PHF21B: variants seen among roughly 807,000 people sequenced by gnomAD.
PHF21B encodes the protein PHD finger protein 21B.
A neutral mutation model predicts 62.2 loss-of-function variants in PHF21B; 22 were observed. The observed-to-expected ratio is 0.35, with a 90% CI of 0.25 to 0.51. The LOEUF (loss-of-function observed/expected upper bound fraction) is 0.51. PHF21B is among the 20% of genes least tolerant of loss of function. The pLI is 0.97. For missense variants in PHF21B, 701 were observed against 707.9 expected, an observed-to-expected ratio of 0.99 and a Z score of 0.11; for synonymous variants, 341 against 314.7, an observed-to-expected ratio of 1.08 and a Z score of -0.88.
intron 2 of PHF21B, among the ~76,000 whole-genome samples, chr22:44,977,716 C>T (rs1203932039): frequency 1.3e-5 from 2 of 151,574 alleles, no homozygotes; most frequent in East Asian, 3.9e-4. Flanking sequence ...GTAGCTGGGG[C>T]TACAGGTGCA....
rs2072772585 is a variant in PHF21B at position 44,978,134 on chromosome 22, A to C, written c.120+30411T>G. Among the ~76,000 whole-genome samples the C allele has an allele frequency of 2.0e-5, 3 of 152,048 alleles. No homozygotes were observed. In the South Asian group the frequency reaches 6.2e-4, roughly 32 times the overall value. ...AGGCCTCCCAGGACACGTGTGTAAT[A>C]ATTTCTCTATGGGAAATACCTACAA... On this transcript the variant is annotated intron_variant, in intron 2 of 12. Transcript: ENST00000313237.
chr22:44,943,573 CGGGCTCTAGAGTCCTG>C (rs1569243927), intron 2 of PHF21B, among the ~76,000 whole-genome samples: 20 of 152,284 alleles, frequency 1.3e-4, no homozygotes, highest in African/African-American at 4.8e-4. Flanking sequence ...CCAGGCCCCG[CGGGCTCTAGAGTCCTG>C]GCAGCTGGCT....
chr22:44,901,691 A>G, intron 5 of PHF21B: 1 of 460,918 alleles, frequency 2.2e-6, no homozygotes, highest in East Asian at 4.7e-5. Flanking sequence ...AAAAAGCCCA[A>G]GGGGGAAGCC....
chr22:44,953,547 G>A (rs563464474), intron 2 of PHF21B, among the ~76,000 whole-genome samples: 17 of 152,070 alleles, frequency 1.1e-4, no homozygotes, highest in Middle Eastern at 3.4e-3. Context: ...ATCTTTCAAC[G>A]CTGTGAACTC....
intron 2 of PHF21B, among the ~76,000 whole-genome samples, chr22:45,007,078 C>T (rs2073328253): frequency 6.6e-6 from 1 of 151,850 alleles, no homozygotes; most frequent in Non-Finnish European, 1.5e-5. Context: ...GCTTCCACTC[C>T]CGGACGGGGG....
intron 2 of PHF21B, among the ~76,000 whole-genome samples, chr22:44,977,752 ATTTTTTT>A (rs112069200): frequency 7.4e-6 from 1 of 135,152 alleles, no homozygotes. Flanking sequence ...CTCATTTTTC[ATTTTTTT>A]TTTTTTTTGT....
chr22:44,993,707 G>A (rs1373065463), intron 2 of PHF21B, among the ~76,000 whole-genome samples: 1 of 152,198 alleles, frequency 6.6e-6, no homozygotes, highest in Non-Finnish European at 1.5e-5. Context: ...TTTCCTGCAG[G>A]CCAAACAGCA....
At chr22:44,885,318 G>T (rs2070836937) in intron 12 of PHF21B, 108 bp downstream of exon 12, 5 of 1,086,744 alleles carry the variant, frequency 4.6e-6, no homozygotes, top group African/African-American at 3.2e-5. Flanking sequence ...CACTGCTGAG[G>T]CCAGCCTGGA....
intron 2 of PHF21B, among the ~76,000 whole-genome samples, chr22:44,990,308 C>A (rs2147502912): frequency 6.6e-6 from 1 of 152,352 alleles, no homozygotes; most frequent in East Asian, 1.9e-4. Flanking sequence ...AATTCCACTT[C>A]TGCATAGATA....
At position 44,891,322 on chromosome 22, in the gene PHF21B, CAG is replaced by C; in HGVS notation, c.997_998del (p.Leu333ValfsTer8). The C allele has an allele frequency of 1.2e-6, 2 of 1,614,042 alleles. No individual in the cohort carries two copies. The highest frequency in any genetic ancestry group is 1.7e-6 in the Non-Finnish European group (2 of 1,180,024). On this transcript the variant is annotated frameshift_variant, in exon 8 of 13. Transcript: ENST00000313237. LOFTEE classifies it high-confidence loss of function. ...RLASNYLNNPLFLTARANEDP... is the reference protein window; with the variant it reads ...RLASNYLNNPXFLTARANEDP... ...GGTGCTTACCTCTCGCTGTGAGGAA[CAG>C]GGGGTTGTTGAGATAGTTGGAGGCC...
Position 44,885,768 on chromosome 22 carries a change from C to T in PHF21B, c.1273+95G>A, listed in dbSNP as rs181387293. 3,207 of 1,303,836 alleles carry T rather than the reference C, an allele frequency of 2.5e-3. 68 individuals are homozygous for T. In the South Asian group the frequency reaches 0.032, roughly 13 times the overall value. The allele number at this position is 1,303,836 out of a possible 1,614,324, so 80.8% of individuals were successfully genotyped here. A position where few individuals can be genotyped will look rare whatever the true frequency, so the allele number is the denominator to read the frequency against. ...TGCTCTGGCCCTGAAGGGAATGGAC[C>T]CACCTGTCCTCCCACAGGACCAGGT... On this transcript the variant is annotated intron_variant, in intron 11 of 12. Coordinates refer to ENST00000313237, the MANE Select transcript of PHF21B (RefSeq NM_138415.5).
At chr22:44,965,273 C>T (rs990624744) in intron 2 of PHF21B, among the ~76,000 whole-genome samples, 4 of 152,024 alleles carry the variant, frequency 2.6e-5, no homozygotes, top group African/African-American at 7.3e-5. Context: ...TGGATGGCCA[C>T]GCTCATCCCC....
chr22:44,954,960 G>T (rs532823002), intron 2 of PHF21B, among the ~76,000 whole-genome samples: 1 of 152,320 alleles, frequency 6.6e-6, no homozygotes, highest in East Asian at 1.9e-4. Flanking sequence ...GGAGCAGGCG[G>T]GGACAACAGG....
intron 2 of PHF21B, among the ~76,000 whole-genome samples, chr22:44,967,931 A>G (rs2072560902): frequency 6.6e-6 from 1 of 152,072 alleles, no homozygotes; most frequent in African/African-American, 2.4e-5. Context: ...TTCTCTCTTG[A>G]TGAGGCTGGG....
At chr22:44,973,402 T>C (rs2072676090) in intron 2 of PHF21B, among the ~76,000 whole-genome samples, 2 of 151,982 alleles carry the variant, frequency 1.3e-5, no homozygotes, top group Non-Finnish European at 2.9e-5. Context: ...AAAATTGAGG[T>C]TACAGGACAA....
chr22:44,893,403 T>C lies in PHF21B; in HGVS notation c.960+54A>G, dbSNP rs906686500. On this transcript the variant is annotated intron_variant, in intron 7 of 12. Coordinates refer to ENST00000313237, the MANE Select transcript of PHF21B (RefSeq NM_138415.5). ...AGGCCCTGGGACTTTTCCTGGAGGC[T>C]GTGCACTGGGAGCCCCCACCCTCCT... The C allele has an allele frequency of 7.9e-6, 12 of 1,526,924 alleles. No individual in the cohort carries two copies. The Admixed American group carries it at 9.6e-5, about 12-fold the overall frequency. 94.6% of individuals were successfully genotyped at this position (1,526,924 alleles called of 1,614,324 possible).
intron 2 of PHF21B, among the ~76,000 whole-genome samples, chr22:44,982,358 G>C (rs2072858329): frequency 6.6e-6 from 1 of 152,224 alleles, no homozygotes; most frequent in Admixed American, 6.5e-5. Flanking sequence ...TCCACTTGGG[G>C]CAGGCACACC....
chr22:44,916,820 G>A (rs574340516), intron 3 of PHF21B, among the ~76,000 whole-genome samples, 190 bp from the exon 4 acceptor site: 1 of 152,312 alleles, frequency 6.6e-6, no homozygotes, highest in South Asian at 2.1e-4. Context: ...GGCTTGCACC[G>A]ACTGGCCACG....
intron 2 of PHF21B, among the ~76,000 whole-genome samples, chr22:44,928,265 C>T (rs751730024): frequency 9.9e-5 from 15 of 152,144 alleles, no homozygotes; most frequent in Admixed American, 1.3e-4. Flanking sequence ...TCACGCCCGC[C>T]GTCCTCGAAC....
Sources: allele counts gnomAD v4.1 joint callset (sites outside exome capture counted in the v4.1 genomes callset), GRCh38; gene constraint gnomAD v4.1.1; transcripts MANE v1.5; gene names NCBI Gene and HGNC (gene_info 2026-07-23, HGNC 2026-07-21).